PARN: variants seen among roughly 807,000 people sequenced by gnomAD.
PARN encodes poly(A)-specific ribonuclease.
A neutral mutation model predicts 102.8 loss-of-function variants in PARN; 71 were observed. The observed-to-expected ratio is 0.69, with a 90% CI of 0.57 to 0.84. The LOEUF is 0.84. Among genes scored for constraint, PARN ranks in the 40% least tolerant of loss-of-function variants. The pLI, the probability that PARN is intolerant of heterozygous loss-of-function variation, is 0.00. For missense variants in PARN, 782 were observed against 760.9 expected, an observed-to-expected ratio of 1.03 and a Z score of -0.33; for synonymous variants, 261 against 252.9, an observed-to-expected ratio of 1.03 and a Z score of -0.30.
rs559136998 is a variant in PARN at position 14,542,739 on chromosome 16, A to C, written c.1480+9282T>G. On this transcript the variant is annotated intron_variant, in intron 21 of 23. Transcript: ENST00000437198. ...TAGCAGAAAAATGATGTCAGAGGAA[A>C]GAGTCAGTGATCCTGTGGATAGACA... is the stretch of plus-strand genomic sequence containing the variant. Among the ~76,000 whole-genome samples the C allele has an allele frequency of 3.3e-5, 5 of 152,342 alleles. No individual in the cohort carries two copies. In the South Asian group the frequency reaches 1.0e-3, roughly 32 times the overall value.
chr16:14,440,764 T>C (rs1199954552), intron 23 of PARN, among the ~76,000 whole-genome samples: 1 of 152,204 alleles, frequency 6.6e-6, no homozygotes, highest in Non-Finnish European at 1.5e-5. Context: ...AAAGGCTAAC[T>C]ATCGCATGAT....
In PARN at chr16:14,475,745, C is replaced by A. The variant is rs563388600; in HGVS notation, c.1670+6893G>T. 2.6e-5 allele frequency among the ~76,000 whole-genome samples: 4 copies of A among 152,332 alleles called. No homozygotes were observed. In the South Asian group the frequency reaches 8.3e-4, roughly 32 times the overall value. On this transcript the variant is annotated intron_variant, in intron 22 of 23. Coordinates refer to ENST00000437198, the MANE Select transcript of PARN (RefSeq NM_002582.4). Reference sequence around the variant, plus strand: ...GAGCAGTGCCTGTCTTCCTCTCGACCATAGTGCCGCCCTCCAAATCTTAAT... The same window carrying A: ...GAGCAGTGCCTGTCTTCCTCTCGACAATAGTGCCGCCCTCCAAATCTTAAT...
chr16:14,441,350 C>T (rs546874571), intron 23 of PARN, among the ~76,000 whole-genome samples: 7 of 152,296 alleles, frequency 4.6e-5, no homozygotes, highest in Admixed American at 4.6e-4. Flanking sequence ...CTGCTTTTCT[C>T]CCCTTTACCT....
intron 7 of PARN, among the ~76,000 whole-genome samples, chr16:14,609,893 T>C (rs987341423): frequency 3.3e-5 from 5 of 152,202 alleles, no homozygotes; most frequent in Non-Finnish European, 7.4e-5. Flanking sequence ...ATGCAAGTTT[T>C]AGAAGTCAGC....
chr16:14,471,902 A>G (rs1210736142), intron 22 of PARN, among the ~76,000 whole-genome samples: 2 of 152,242 alleles, frequency 1.3e-5, no homozygotes, highest in African/African-American at 4.8e-5. Flanking sequence ...AGCATGTATT[A>G]GAATCTCCTT....
Position 14,573,079 on chromosome 16 carries a change from C to T in PARN, c.1262+7795G>A, listed in dbSNP as rs377444173. Among the ~76,000 whole-genome samples, 134 of 151,974 alleles carry T rather than the reference C, an allele frequency of 8.8e-4. 1 individual carries two copies. Among genetic ancestry groups the T allele is most frequent in the Middle Eastern group, 6.8e-3 (2 of 292 alleles). On this transcript the variant is annotated intron_variant, in intron 18 of 23. Coordinates refer to ENST00000437198, the MANE Select transcript of PARN (RefSeq NM_002582.4). ...AATTTTTTTTTAAGAGATGGAGTCTCGCTATGTTCCCCTGCCTGGTTTCAA... is the reference window on the plus strand; with the variant it reads ...AATTTTTTTTTAAGAGATGGAGTCTTGCTATGTTCCCCTGCCTGGTTTCAA...
intron 21 of PARN, among the ~76,000 whole-genome samples, chr16:14,519,096 C>T (rs1215097871): frequency 6.6e-6 from 1 of 151,720 alleles, no homozygotes. Context: ...TATTCTATTT[C>T]TACCATCTCC....
chr16:14,580,346 G>A (rs1249583337), intron 18 of PARN, among the ~76,000 whole-genome samples: 1 of 151,242 alleles, frequency 6.6e-6, no homozygotes, highest in African/African-American at 2.4e-5. Flanking sequence ...GCAGTGCAGT[G>A]GTGCAATCTC....
intron 21 of PARN, among the ~76,000 whole-genome samples, chr16:14,507,594 C>T (rs1339778615): frequency 1.3e-5 from 2 of 151,584 alleles, no homozygotes; most frequent in Admixed American, 6.6e-5. Flanking sequence ...GAGGCTGAGG[C>T]GCAAGAATCA....
intron 5 of PARN, among the ~76,000 whole-genome samples, chr16:14,622,774 G>A (rs1341197182): frequency 1.3e-5 from 2 of 152,106 alleles, no homozygotes; most frequent in East Asian, 1.9e-4. Flanking sequence ...CCAAAGTGCT[G>A]GGATTACAGG....
At chr16:14,625,980 G>A (rs1972626302) in intron 5 of PARN, among the ~76,000 whole-genome samples, 1 of 152,166 alleles carries the variant, frequency 6.6e-6, no homozygotes, top group Non-Finnish European at 1.5e-5. Context: ...AGAGCAGAAA[G>A]GAAACAGTGA....
chr16:14,613,896 G>A (rs1424253732), intron 6 of PARN, among the ~76,000 whole-genome samples: 3 of 152,174 alleles, frequency 2.0e-5, no homozygotes, highest in African/African-American at 4.8e-5. Flanking sequence ...TCAACAGATT[G>A]CTGAAATAGG....
intron 21 of PARN, among the ~76,000 whole-genome samples, chr16:14,546,030 C>T (rs1966916453): frequency 1.3e-5 from 2 of 152,004 alleles, no homozygotes; most frequent in South Asian, 2.1e-4. Flanking sequence ...CAGCCAAAAG[C>T]GTTCTTGAGA....
At position 14,617,628 on chromosome 16, in the gene PARN, G is replaced by A; in HGVS notation, c.350C>T (p.Ala117Val). ...TTTATTAAAATCAAATCCCTGGCTTGCTAGAAAGTCAATGCTGGAGCTCTG... is the reference window on the plus strand; with the variant it reads ...TTTATTAAAATCAAATCCCTGGCTTACTAGAAAGTCAATGCTGGAGCTCTG... ...VCQSSSIDFLASQGFDFNKVF... is the reference protein window; with the variant it reads ...VCQSSSIDFLVSQGFDFNKVF... The change falls in exon 6 of 24, where the codon GCA becomes GTA. Residue 117 changes from alanine (A) to valine (V), a missense_variant. Physicochemically the swap from Ala to Val is moderately conservative, Grantham distance 64 (BLOSUM62 0). Coordinates refer to ENST00000437198, the MANE Select transcript of PARN (RefSeq NM_002582.4). 1.3e-6 allele frequency: 2 copies of A among 1,596,722 alleles called. No homozygotes were observed. The highest frequency in any genetic ancestry group is 2.2e-5 in the East Asian group (1 of 44,806).
chr16:14,541,839 G>T (rs1024365639), intron 21 of PARN, among the ~76,000 whole-genome samples: 2 of 152,064 alleles, frequency 1.3e-5, no homozygotes, highest in Non-Finnish European at 2.9e-5. Flanking sequence ...ACTAAATCCA[G>T]AGTCTCCACA....
intron 21 of PARN, among the ~76,000 whole-genome samples, chr16:14,551,785 T>C (rs886820139): frequency 3.9e-5 from 6 of 152,124 alleles, no homozygotes; most frequent in Non-Finnish European, 7.4e-5. Context: ...AGAATGGAGG[T>C]AAATGAAAAA....
intron 22 of PARN, among the ~76,000 whole-genome samples, chr16:14,458,486 C>T: frequency 6.6e-6 from 1 of 152,120 alleles, no homozygotes; most frequent in East Asian, 1.9e-4. Context: ...GAGAAGATAA[C>T]ACCTATGGAG....
intron 13 of PARN, among the ~76,000 whole-genome samples, chr16:14,589,682 A>G (rs1043853332): frequency 2.0e-5 from 3 of 152,026 alleles, no homozygotes; most frequent in Non-Finnish European, 4.4e-5. Flanking sequence ...CCTGGCCAAC[A>G]TGGCGAAATC....
intron 21 of PARN, among the ~76,000 whole-genome samples, chr16:14,521,004 T>C (rs1373059158): frequency 2.0e-5 from 3 of 152,224 alleles, no homozygotes; most frequent in South Asian, 2.1e-4. Flanking sequence ...GCCACAATCA[T>C]GGTGTTGGCC....
Sources: gnomAD v4.1 joint callset for allele counts (sites outside exome capture counted in the v4.1 genomes callset) on GRCh38, gnomAD v4.1.1 for gene constraint, MANE v1.5 for transcripts, NCBI Gene and HGNC (gene_info 2026-07-23, HGNC 2026-07-21) for gene names.